The following ZNF311 variants were observed in gnomAD, a reference collection of about 807,000 sequenced individuals.
ZNF311 encodes zinc finger protein 311.
A neutral mutation model predicts 22.7 loss-of-function variants in ZNF311; 14 were observed. That is an observed-to-expected ratio of 0.62 (90% confidence interval 0.41 to 0.96). The LOEUF is 0.96. Among genes scored for constraint, ZNF311 ranks in the 40% least tolerant of loss-of-function variants. The pLI, the probability that ZNF311 is intolerant of heterozygous loss-of-function variation, is 0.00. For synonymous variants in ZNF311, 250 were observed against 275.3 expected (o/e 0.91, Z 0.91); for missense variants, 731 against 799.0 (o/e 0.91, Z 1.03).
At position 29,000,801 on chromosome 6, in the gene ZNF311, G is replaced by T. The variant is rs573547124; in HGVS notation, c.92-754C>A. 1.3e-4 allele frequency among the ~76,000 whole-genome samples: 20 copies of T among 148,838 alleles called. 1 individual carries two copies. In the South Asian group the frequency reaches 4.1e-3, roughly 30 times the overall value. On this transcript the variant is annotated intron_variant, in intron 3 of 6. Coordinates refer to ENST00000377179, the MANE Select transcript of ZNF311 (RefSeq NM_001382360.1). ...TTCTTTTTTTTTTTTTGAGACTTAAGAGTCTCGCTCTGTCTCCCAGGCTGG... is the reference window on the plus strand; with the variant it reads ...TTCTTTTTTTTTTTTTGAGACTTAATAGTCTCGCTCTGTCTCCCAGGCTGG...
chr6:29,004,131 T>C lies in ZNF311; in HGVS notation c.-177A>G, dbSNP rs867668724. On this transcript the variant is annotated 5_prime_UTR_variant, in exon 2 of 7. Transcript: ENST00000377179. The stretch of plus-strand genomic sequence containing the variant: ...CCTTCTTGACCCACAGTGCCGCTAC[T>C]GTTTGGCTTAATGTGTCAAACACTG... 3 of 1,516,818 alleles carry C rather than the reference T, an allele frequency of 2.0e-6. No homozygotes were observed. Among genetic ancestry groups the C allele is most frequent in the African/African-American group, 2.7e-5 (2 of 72,738 alleles). 94.0% of individuals were successfully genotyped at this position (1,516,818 alleles called of 1,614,324 possible). A position where few individuals can be genotyped will look rare whatever the true frequency, so the allele number is the denominator to read the frequency against.
Position 28,995,779 on chromosome 6 carries a change from ATTC to A in ZNF311, c.1220_1222del (p.Arg407del), listed in dbSNP as rs755988708. The A allele has an allele frequency of 3.7e-6, 6 of 1,613,764 alleles. No individual in the cohort carries two copies. Among genetic ancestry groups the A allele is most frequent in the Non-Finnish European group, 5.1e-6 (6 of 1,179,982 alleles). On this transcript the variant is annotated inframe_deletion, in exon 7 of 7. Coordinates refer to ENST00000377179, the MANE Select transcript of ZNF311 (RefSeq NM_001382360.1). The surrounding 1 kb of genome is among the most constrained non-coding windows in gnomAD (Gnocchi z 4.7). Reference sequence around the variant, plus strand: ...CTCATAAGGTCGTTCCCCAGTGTGGATTCTTATGTGTTTGGTGAGGTCTGAACT... The same window carrying A: ...CTCATAAGGTCGTTCCCCAGTGTGGATTATGTGTTTGGTGAGGTCTGAACT...
chr6:28,995,388 C>G lies in ZNF311; in HGVS notation c.1614G>C (p.Gly538=), dbSNP rs771318561. The change falls in exon 7 of 7, where the codon GGG becomes GGC. Residue 538 remains glycine (G), a synonymous_variant. Transcript: ENST00000377179. The surrounding 1 kb of genome is among the most constrained non-coding windows in gnomAD (Gnocchi z 4.7). ...TTCGATGATTGGTCAAGTTTGACTT[C>G]CCACTGAAAGCTTTCCCACACTCTA... ...KCLECGKAFS[G]KSNLTNHRRI... 122 of 1,613,944 alleles carry G rather than the reference C, an allele frequency of 7.6e-5. No homozygotes were observed. The highest frequency in any genetic ancestry group is 1.6e-4 in the Middle Eastern group (1 of 6,084).
rs1483913153 is a variant in ZNF311, at chr6:28,999,976, T to G, written c.163A>C (p.Thr55Pro). ...SQGNLPQADI[T>P]LMSQAQESVT... ...CTCACTTGGGCCTGGCTCATTAGTG[T>G]GATATCTGCTTGCGGCAGGTTTCCT... Residue 55 changes from threonine (T) to proline (P), a missense_variant, in exon 4 of 7, where the codon ACA becomes CCA. Physicochemically the swap from Thr to Pro is conservative, Grantham distance 38. Transcript: ENST00000377179. 8.1e-6 allele frequency: 13 copies of G among 1,613,450 alleles called. No individual in the cohort carries two copies. The highest frequency in any genetic ancestry group is 1.1e-5 in the Non-Finnish European group (13 of 1,179,908).
intron 5 of ZNF311, among the ~76,000 whole-genome samples, chr6:28,999,117 T>C (rs1343901877): frequency 6.6e-6 from 1 of 151,520 alleles, no homozygotes; most frequent in African/African-American, 2.4e-5. Context: ...TTTGTTTTAC[T>C]TTAGGAGAAT....
Position 29,003,816 on chromosome 6 carries a change from T to A in ZNF311, c.9+130A>T, listed in dbSNP as rs560416171. ...TCACCAGGTCAAGCAGCAAAAACAG[T>A]ATCTAGGAGGAGACACCTCCAACAG... On this transcript the variant is annotated intron_variant, in intron 2 of 6. Transcript: ENST00000377179. 1.2e-4 allele frequency: 183 copies of A among 1,590,248 alleles called. No homozygotes were observed. In the Middle Eastern group the frequency reaches 1.5e-3, roughly 13 times the overall value.
In ZNF311 at chr6:28,995,765, G is replaced by A. The variant is rs749224253; in HGVS notation, c.1237C>T (p.Arg413Ter). 15 of 1,613,358 alleles carry A rather than the reference G, an allele frequency of 9.3e-6. No homozygotes were observed. Among genetic ancestry groups the A allele is most frequent in the Admixed American group, 8.3e-5 (5 of 59,984 alleles). ...TKHIRIHTGE[R>*]PYECSKCGRA... ...CCACACTTGCTGCACTCATAAGGTC[G>A]TTCCCCAGTGTGGATTCTTATGTGT... Residue 413 changes from arginine to a stop codon, truncating the protein, a stop_gained, in exon 7 of 7, where the codon CGA becomes TGA. Coordinates refer to ENST00000377179, the MANE Select transcript of ZNF311 (RefSeq NM_001382360.1). LOFTEE classifies it low-confidence loss of function (END_TRUNC). The surrounding 1 kb of genome is among the most constrained non-coding windows in gnomAD (Gnocchi z 4.7).
In ZNF311 at chr6:28,998,722, T is replaced by C. The variant is rs1486968963; in HGVS notation, c.415+12A>G. 5.7e-6 allele frequency: 9 copies of C among 1,584,522 alleles called. No homozygotes were observed. The highest frequency in any genetic ancestry group is 3.5e-5 in the Admixed American group (2 of 57,862). On this transcript the variant is annotated intron_variant, in intron 6 of 6. Transcript: ENST00000377179. ...AAGATCAGAGGGAACTGAAAGTTTC[T>C]CTATTACTCACCTGGGTAGGAGCAG... is the stretch of plus-strand genomic sequence containing the variant.
At position 29,004,206 on chromosome 6, in the gene ZNF311, C is replaced by T; in HGVS notation, c.-252G>A. On this transcript the variant is annotated 5_prime_UTR_variant, in exon 2 of 7. Transcript: ENST00000377179. ...ACACTAAACCGCTGTGATCTCACAT[C>T]TTGTTTCCCTGCATATTTGGTGAAG... 7.1e-7 allele frequency: 1 copy of T among 1,408,192 alleles called. No individual in the cohort carries two copies. Among genetic ancestry groups the T allele is most frequent in the Non-Finnish European group, 9.2e-7 (1 of 1,085,682 alleles). The allele number at this position is 1,408,192 out of a possible 1,614,324, so 87.2% of individuals were successfully genotyped here.
At chr6:28,996,707 T>C in intron 6 of ZNF311, 121 bp from the exon 7 acceptor site, 1 of 1,081,314 alleles carries the variant, frequency 9.2e-7, no homozygotes, top group African/African-American at 1.6e-5. Flanking sequence ...ACTAACGTTG[T>C]GGCCAAAAGT....
chr6:29,001,043 TG>T (rs1469451344), intron 3 of ZNF311, among the ~76,000 whole-genome samples: 1 of 152,212 alleles, frequency 6.6e-6, no homozygotes, highest in African/African-American at 2.4e-5. Context: ...CCCAAAGTGC[TG>T]GGATTACAGG....
At chr6:29,001,817 T>A (rs1366506334) in intron 3 of ZNF311, among the ~76,000 whole-genome samples, 5 of 152,236 alleles carry the variant, frequency 3.3e-5, no homozygotes, top group Non-Finnish European at 7.3e-5. Context: ...TTGAATCATT[T>A]CAAAGTAAGT....
At chr6:29,003,343 GT>G (rs1391610440) in intron 3 of ZNF311, among the ~76,000 whole-genome samples, 169 bp downstream of exon 3, 47 of 152,164 alleles carry the variant, frequency 3.1e-4, no homozygotes, top group African/African-American at 1.1e-3. Context: ...TGAATATTTA[GT>G]TCCTCTAGAT....
In ZNF311 at chr6:28,995,861, G is replaced by A; in HGVS notation, c.1141C>T (p.His381Tyr). 1 of 1,614,072 alleles carries A rather than the reference G, an allele frequency of 6.2e-7. No individual in the cohort carries two copies. Residue 381 changes from histidine (H) to tyrosine (Y), a missense_variant, in exon 7 of 7, where the codon CAC (histidine) becomes TAC (tyrosine). Coordinates refer to ENST00000377179, the MANE Select transcript of ZNF311 (RefSeq NM_001382360.1). This position sits in a 1 kb window ranked among gnomAD's most constrained non-coding sequence, Gnocchi z 4.7. ...KHSLTIHGRI[H>Y]TGEKPYECEE... ...CATTCATATGGCTTCTCCCCAGTGT[G>A]GATTCTGCCATGGATGGTAAGGGAA...
At position 28,994,842 on chromosome 6, in the gene ZNF311, A is replaced by G; in HGVS notation, c.*159T>C. 1.3e-6 allele frequency: 1 copy of G among 768,810 alleles called. No individual in the cohort carries two copies. Among genetic ancestry groups the G allele is most frequent in the East Asian group, 2.7e-5 (1 of 37,002 alleles). 47.6% of individuals were successfully genotyped at this position (768,810 alleles called of 1,614,324 possible). A position where few individuals can be genotyped will look rare whatever the true frequency, so the allele number is the denominator to read the frequency against. On this transcript the variant is annotated 3_prime_UTR_variant, in exon 7 of 7. Transcript: ENST00000377179. ...GTGATTGATAAACTCTTGGAAGTAA[A>G]TGTGCTCACTGAAAAAATAGTGAAT...
chr6:28,996,013 G>A lies in ZNF311; in HGVS notation c.989C>T (p.Pro330Leu). The A allele has an allele frequency of 6.2e-7, 1 of 1,613,646 alleles. No individual in the cohort carries two copies. Residue 330 changes from proline (P) to leucine (L), a missense_variant, in exon 7 of 7, where the codon CCT becomes CTT. By Grantham distance (98) the Pro-to-Leu change is moderately conservative. Transcript: ENST00000377179. ...CTTCCCACAGTCCCTGCACTCGTGA[G>A]GCTTCTCCCCACTGTGGGTTTTTTT... is the stretch of plus-strand genomic sequence containing the variant. ...RHKKTHSGEK[P>L]HECRDCGKAF...
intron 5 of ZNF311, 29 bp from the exon 6 acceptor site, chr6:28,998,867 G>C: frequency 6.6e-7 from 1 of 1,507,914 alleles, no homozygotes; most frequent in Non-Finnish European, 9.2e-7. Context: ...TAAGTGTGTA[G>C]AGTAACTTAT....
chr6:29,002,857 G>C (rs1312936996), intron 3 of ZNF311, among the ~76,000 whole-genome samples: 1 of 152,072 alleles, frequency 6.6e-6, no homozygotes, highest in African/African-American at 2.4e-5. Flanking sequence ...CTGACCTCTA[G>C]TGATCCACCC....
chr6:28,997,582 C>T (rs778107115), intron 6 of ZNF311, among the ~76,000 whole-genome samples: 7 of 152,174 alleles, frequency 4.6e-5, no homozygotes, highest in Non-Finnish European at 1.0e-4. Context: ...CCCTTCTAAT[C>T]CATCCTCTGC....
Sources: allele counts gnomAD v4.1 joint callset (sites outside exome capture counted in the v4.1 genomes callset), GRCh38; gene constraint gnomAD v4.1.1; non-coding constraint Gnocchi (gnomAD v3.1); transcripts MANE v1.5; gene names NCBI Gene and HGNC (gene_info 2026-07-23, HGNC 2026-07-21).